SLC34A1: variants seen among roughly 807,000 people sequenced by gnomAD.
SLC34A1 encodes the protein solute carrier family 34 member 1, also known as sodium-dependent phosphate transport protein 2A.
Under a neutral mutation model 51.4 loss-of-function variants are expected in SLC34A1, and 57 were observed. That is an observed-to-expected ratio of 1.11 (90% CI 0.90 to 1.38). The LOEUF (loss-of-function observed/expected upper bound fraction) is 1.38, where lower values mean the gene tolerates loss of function less well. SLC34A1 is among the 40% of genes most tolerant of loss of function. SLC34A1 has a pLI of 0.00. For synonymous variants in SLC34A1, 368 were observed against 358.0 expected (o/e 1.03, Z -0.32); for missense variants, 796 against 835.6 (o/e 0.95, Z 0.58).
At chr5:177,397,316 AAGGAAG>A (rs1216987742) in intron 12 of SLC34A1, 52 of 553,960 alleles carry the variant, frequency 9.4e-5, no homozygotes, top group East Asian at 2.9e-4. Context: ...TTTGCACCAT[AAGGAAG>A]AGGAAGAGGA....
chr5:177,391,703 G>T (rs1762808179), intron 8 of SLC34A1, among the ~76,000 whole-genome samples: 1 of 152,216 alleles, frequency 6.6e-6, no homozygotes, highest in African/African-American at 2.4e-5. Context: ...TCCTGAACGG[G>T]CCCAGCGAGG....
In SLC34A1 at chr5:177,393,720, G is replaced by C. The variant is rs774657067; in HGVS notation, c.963G>C (p.Glu321Asp). Reference sequence around the variant, plus strand: ...CTCCCACCTCCATGTCCAGAGCAGAGGCCAACTCCAGCCAGACCCTTGGAA... The same window carrying C: ...CTCCCACCTCCATGTCCAGAGCAGACGCCAACTCCAGCCAGACCCTTGGAA... ...LQAPTSMSRA[E>D]ANSSQTLGNA... is the part of the protein sequence containing the mutation. The change falls in exon 9 of 13, where the codon GAG becomes GAC. Residue 321 changes from glutamate (E) to aspartate (D), a missense_variant. Glu to Asp is a conservative substitution (Grantham distance 45). Coordinates refer to ENST00000324417, the MANE Select transcript of SLC34A1 (RefSeq NM_003052.5). 1.9e-6 allele frequency: 3 copies of C among 1,614,206 alleles called. No homozygotes were observed. Among genetic ancestry groups the C allele is most frequent in the East Asian group, 2.2e-5 (1 of 44,884 alleles).
rs1762894325 is a variant in SLC34A1, at chr5:177,394,342, C to T, written c.1174+147C>T. On this transcript the variant is annotated intron_variant, in intron 10 of 12. Transcript: ENST00000324417. ...GAACAAAGAAGGTGGTTTCTGAGGCCACTGAGGTACTGACAGCTGGAGACC... is the reference window on the plus strand; with the variant it reads ...GAACAAAGAAGGTGGTTTCTGAGGCTACTGAGGTACTGACAGCTGGAGACC... 4.5e-6 allele frequency: 4 copies of T among 890,826 alleles called. No homozygotes were observed. The East Asian group carries it at 1.1e-4, about 24-fold the overall frequency. 55.2% of individuals were successfully genotyped at this position (890,826 alleles called of 1,614,324 possible). A position where few individuals can be genotyped will look rare whatever the true frequency, so the allele number is the denominator to read the frequency against.
intron 8 of SLC34A1, among the ~76,000 whole-genome samples, chr5:177,392,974 G>T (rs535954085): frequency 1.5e-4 from 23 of 152,292 alleles, no homozygotes; most frequent in African/African-American, 5.5e-4. Context: ...TAGAAATTGG[G>T]CAATTTAGCC....
chr5:177,390,436 A>C (rs1424036580), intron 8 of SLC34A1: 2 of 955,066 alleles, frequency 2.1e-6, no homozygotes, highest in African/African-American at 1.8e-5. Context: ...GACGAGGAGC[A>C]CTGAGCCCCA....
At chr5:177,385,880 G>C (rs767144674) in intron 2 of SLC34A1, 30 bp downstream of exon 2, 1 of 1,609,070 alleles carries the variant, frequency 6.2e-7, no homozygotes, top group East Asian at 2.2e-5. Flanking sequence ...CCTGGACCCT[G>C]GTTGCCCACG....
chr5:177,392,768 T>G (rs973346157), intron 8 of SLC34A1, among the ~76,000 whole-genome samples: 1 of 152,102 alleles, frequency 6.6e-6, no homozygotes, highest in Non-Finnish European at 1.5e-5. Flanking sequence ...GGACTACAGG[T>G]GTACACCACC....
intron 8 of SLC34A1, among the ~76,000 whole-genome samples, chr5:177,391,946 C>T (rs1028550297): frequency 6.6e-6 from 1 of 152,180 alleles, no homozygotes; most frequent in East Asian, 1.9e-4. Context: ...TCTCTCTCTC[C>T]CTTACCCTCG....
chr5:177,387,865 C>T lies in SLC34A1; in HGVS notation c.636C>T (p.Asp212=), dbSNP rs998724968. 3 of 1,595,860 alleles carry T rather than the reference C, an allele frequency of 1.9e-6. No homozygotes were observed. Among genetic ancestry groups the T allele is most frequent in the Admixed American group, 1.7e-5 (1 of 59,452 alleles). The change falls in exon 6 of 13, where the codon GAC becomes GAT. Residue 212 remains aspartate, a synonymous_variant. Coordinates refer to ENST00000324417, the MANE Select transcript of SLC34A1 (RefSeq NM_003052.5). ...TGATGCAGGCGGGGGACAGGACTGA[C>T]TTCCGGCGGTGAGGGGGGCTGGGGG... The part of the protein sequence containing the change: ...VALMQAGDRT[D]FRRAFAGATV...
chr5:177,387,955 T>C (rs1228690474), intron 6 of SLC34A1, 39 bp from the exon 7 acceptor site: 1 of 1,611,116 alleles, frequency 6.2e-7, no homozygotes, highest in Admixed American at 1.7e-5. Context: ...GACTGTGCAC[T>C]GGCTCGAGCC....
chr5:177,390,687 T>C (rs1237111218), intron 8 of SLC34A1, among the ~76,000 whole-genome samples: 1 of 151,910 alleles, frequency 6.6e-6, no homozygotes, highest in East Asian at 1.9e-4. Flanking sequence ...CAGGTGGTGC[T>C]GCTGGCACAG....
chr5:177,385,962 G>A, intron 2 of SLC34A1, 25 bp from the exon 3 acceptor site: 2 of 1,609,972 alleles, frequency 1.2e-6, no homozygotes. Flanking sequence ...GGGCCCTGGG[G>A]CTCCTGACCA....
In SLC34A1 at chr5:177,398,399, C is replaced by T. The variant is rs1235831583; in HGVS notation, c.*113C>T. On this transcript the variant is annotated 3_prime_UTR_variant, in exon 13 of 13. Coordinates refer to ENST00000324417, the MANE Select transcript of SLC34A1 (RefSeq NM_003052.5). This position sits in a 1 kb window ranked among gnomAD's most constrained non-coding sequence, Gnocchi z 4.7. ...CCTGTGCCACCCTGGGTGCCAGTCT[C>T]TCCTTCTGTAGCTCCGCAAAGCTCT... is the stretch of plus-strand genomic sequence containing the variant. The T allele has an allele frequency of 1.6e-6, 2 of 1,246,042 alleles. No individual in the cohort carries two copies. Among genetic ancestry groups the T allele is most frequent in the Non-Finnish European group, 2.3e-6 (2 of 860,034 alleles). 77.2% of individuals were successfully genotyped at this position (1,246,042 alleles called of 1,614,324 possible).
Position 177,388,119 on chromosome 5 carries a change from T to A in SLC34A1, c.770T>A (p.Ile257Asn), listed in dbSNP as rs1308923236. The change falls in exon 7 of 13, where the codon ATC becomes AAC. Residue 257 changes from isoleucine to asparagine, a missense_variant. Physicochemically the swap from Ile to Asn is moderately radical, Grantham distance 149 (BLOSUM62 -3). Coordinates refer to ENST00000324417, the MANE Select transcript of SLC34A1 (RefSeq NM_003052.5). This position sits in a 1 kb window ranked among gnomAD's most constrained non-coding sequence, Gnocchi z 4.3. The part of the protein sequence containing the change: ...ITRLVVASFN[I>N]HGGRDAPDLL... ...CGACTTGTGGTGGCCTCCTTCAACA[T>A]CCATGGTGGCCGTGATGCTCCTGAC... 2 of 1,614,058 alleles carry A rather than the reference T, an allele frequency of 1.2e-6. No homozygotes were observed. Among genetic ancestry groups the A allele is most frequent in the Admixed American group, 1.7e-5 (1 of 60,028 alleles).
chr5:177,387,081 C>T (rs1383506609), intron 5 of SLC34A1, among the ~76,000 whole-genome samples: 1 of 151,944 alleles, frequency 6.6e-6, no homozygotes, highest in African/African-American at 2.4e-5. Flanking sequence ...ATAAAACTAA[C>T]CATCACTGGC....
At chr5:177,387,398 AC>A in intron 5 of SLC34A1, among the ~76,000 whole-genome samples, 1 of 152,152 alleles carries the variant, frequency 6.6e-6, no homozygotes, top group East Asian at 1.9e-4. Flanking sequence ...CTGTCTCAAA[AC>A]AAACAAACAA....
rs760946218 is a variant in SLC34A1, at chr5:177,388,078, C to T, written c.729C>T (p.Tyr243=). 1.9e-6 allele frequency: 3 copies of T among 1,613,786 alleles called. No homozygotes were observed. Among genetic ancestry groups the T allele is most frequent in the Admixed American group, 1.7e-5 (1 of 60,016 alleles). ...VLLPLEAATG[Y]LHHITRLVVA... is the part of the protein sequence containing the mutation. ...TGCCCCTGGAGGCTGCCACTGGCTA[C>T]CTGCACCACATCACTCGACTTGTGG... is the stretch of plus-strand genomic sequence containing the variant. The change falls in exon 7 of 13, where the codon TAC becomes TAT. Residue 243 remains tyrosine, a synonymous_variant. Transcript: ENST00000324417. This position sits in a 1 kb window ranked among gnomAD's most constrained non-coding sequence, Gnocchi z 4.3.
intron 8 of SLC34A1, chr5:177,390,462 T>C: frequency 1.3e-6 from 1 of 797,014 alleles, no homozygotes; most frequent in Non-Finnish European, 1.5e-6. Flanking sequence ...GTGCAGTGGC[T>C]TGCCCAAGTC....
In SLC34A1 at chr5:177,386,646, C is replaced by T; in HGVS notation, c.532+80C>T. The T allele has an allele frequency of 1.3e-6, 2 of 1,544,636 alleles. No homozygotes were observed. Among genetic ancestry groups the T allele is most frequent in the Non-Finnish European group, 1.8e-6 (2 of 1,125,858 alleles). On this transcript the variant is annotated intron_variant, in intron 5 of 12. Coordinates refer to ENST00000324417, the MANE Select transcript of SLC34A1 (RefSeq NM_003052.5). This position sits in a 1 kb window ranked among gnomAD's most constrained non-coding sequence, Gnocchi z 4.8. ...GAAGGGTGGCAAATGGGGAGCGTGA[C>T]CCCAGTAAGGCTGGCCTCCATTCAG...
Sources: allele counts gnomAD v4.1 joint callset (sites outside exome capture counted in the v4.1 genomes callset), GRCh38; gene constraint gnomAD v4.1.1; non-coding constraint Gnocchi (gnomAD v3.1); transcripts MANE v1.5; gene names NCBI Gene and HGNC (gene_info 2026-07-23, HGNC 2026-07-21).